The following PTPRT variants were observed in gnomAD, a reference collection of about 807,000 sequenced individuals.
PTPRT encodes the protein protein tyrosine phosphatase receptor type T, also known as receptor-type tyrosine-protein phosphatase T.
PTPRT carries 56 observed loss-of-function variants against 176.8 expected under a neutral mutation model. That is an observed-to-expected ratio of 0.32 (90% CI 0.26 to 0.40). The LOEUF (loss-of-function observed/expected upper bound fraction) is 0.40. PTPRT is among the 10% of genes least tolerant of loss of function. The pLI is 1.00. For synonymous variants in PTPRT, 783 were observed against 739.0 expected (o/e 1.06, Z -0.96); for missense variants, 1,540 against 1,908.2 (o/e 0.81, Z 3.60).
At chr20:42,917,767 A>T (rs1181500768) in intron 1 of PTPRT, among the ~76,000 whole-genome samples, 1 of 152,158 alleles carries the variant, frequency 6.6e-6, no homozygotes, top group Non-Finnish European at 1.5e-5. Context: ...GTGCCTCCAG[A>T]AGTCATAACT....
intron 7 of PTPRT, among the ~76,000 whole-genome samples, chr20:42,549,455 A>C (rs993054182): frequency 6.6e-6 from 1 of 152,114 alleles, no homozygotes; most frequent in Admixed American, 6.6e-5. Flanking sequence ...GGGACACGGG[A>C]GCAGAGAAGA....
chr20:42,465,233 T>C (rs1206477352), intron 8 of PTPRT, among the ~76,000 whole-genome samples: 1 of 152,196 alleles, frequency 6.6e-6, no homozygotes, highest in Non-Finnish European at 1.5e-5. Context: ...ACAACTTCTA[T>C]GGAAGAGTAC....
At chr20:43,140,768 T>C (rs891141011) in intron 1 of PTPRT, among the ~76,000 whole-genome samples, 2 of 152,202 alleles carry the variant, frequency 1.3e-5, no homozygotes, top group Non-Finnish European at 2.9e-5. Context: ...TTAATGCCCT[T>C]ACAGAGCCAC....
At chr20:42,032,835 C>T in the PTPRT span, among the ~76,000 whole-genome samples, 1 of 152,074 alleles carries the variant, frequency 6.6e-6, no homozygotes. Flanking sequence ...AATCCTACAC[C>T]CCCAGAGAAT....
chr20:42,166,511 C>A (rs1989830668), intron 16 of PTPRT, among the ~76,000 whole-genome samples: 1 of 152,150 alleles, frequency 6.6e-6, no homozygotes, highest in Admixed American at 6.5e-5. Context: ...CAGATAAACT[C>A]TCAACTATTT....
At chr20:42,350,362 G>A (rs898759582) in intron 11 of PTPRT, among the ~76,000 whole-genome samples, 11 of 151,574 alleles carry the variant, frequency 7.3e-5, no homozygotes, top group African/African-American at 1.7e-4. Flanking sequence ...TCGAGTAGCC[G>A]GTACTACAGG....
At chr20:42,493,465 G>A (rs371413192) in intron 7 of PTPRT, among the ~76,000 whole-genome samples, 3 of 151,998 alleles carry the variant, frequency 2.0e-5, no homozygotes, top group African/African-American at 7.2e-5. Context: ...AGCACAGTAC[G>A]TCAGTGATCT....
chr20:42,651,738 C>T (rs977595335), intron 7 of PTPRT, among the ~76,000 whole-genome samples: 2 of 152,144 alleles, frequency 1.3e-5, no homozygotes, highest in South Asian at 4.1e-4. Flanking sequence ...CCAAGCTTCA[C>T]CCTCATCCTT....
chr20:42,854,374 T>C (rs568280972), intron 2 of PTPRT, among the ~76,000 whole-genome samples: 1 of 152,200 alleles, frequency 6.6e-6, no homozygotes, highest in Non-Finnish European at 1.5e-5. Context: ...TTTGAACACC[T>C]TGACAAAGGA....
At chr20:42,441,609 T>A (rs925264610) in intron 9 of PTPRT, among the ~76,000 whole-genome samples, 3 of 151,864 alleles carry the variant, frequency 2.0e-5, no homozygotes, top group African/African-American at 7.3e-5. Context: ...TGGAAGGGGG[T>A]GGGCAGGGAG....
chr20:42,528,143 A>G (rs1318409345), intron 7 of PTPRT, among the ~76,000 whole-genome samples: 1 of 152,096 alleles, frequency 6.6e-6, no homozygotes. Context: ...TGCTTCTTCC[A>G]GCTCTCGGGT....
chr20:42,054,110 A>C, the PTPRT span, among the ~76,000 whole-genome samples: 1 of 152,198 alleles, frequency 6.6e-6, no homozygotes, highest in South Asian at 2.1e-4. Context: ...AGTATGGGAC[A>C]TCTTGGGTGA....
At chr20:42,170,368 T>C (rs1990024958) in intron 16 of PTPRT, among the ~76,000 whole-genome samples, 1 of 152,206 alleles carries the variant, frequency 6.6e-6, no homozygotes, top group Non-Finnish European at 1.5e-5. Flanking sequence ...TTAGGTTCCT[T>C]GAAGTTTATT....
intron 7 of PTPRT, among the ~76,000 whole-genome samples, chr20:42,673,369 A>T (rs931330241): frequency 1.3e-5 from 2 of 152,148 alleles, no homozygotes; most frequent in African/African-American, 4.8e-5. Flanking sequence ...CTTACAGCAA[A>T]TTTCTAGGCT....
chr20:42,863,236 G>A (rs1328760508), intron 2 of PTPRT, among the ~76,000 whole-genome samples: 1 of 152,154 alleles, frequency 6.6e-6, no homozygotes, highest in Admixed American at 6.5e-5. Context: ...GAAAAGAAGA[G>A]GACATGATCT....
rs1379394015 is a variant in PTPRT at position 42,104,618 on chromosome 20, C to T, written c.3491G>A (p.Ser1164Asn). 1.2e-6 allele frequency: 2 copies of T among 1,611,888 alleles called. No homozygotes were observed. Among genetic ancestry groups the T allele is most frequent in the South Asian group, 2.2e-5 (2 of 90,992 alleles). ...CEFRSLYYNI[S>N]RLDPQTNSSQ... ...GGAGTTTGTCTGGGGGTCCAGCCTGCTGATATTGTAGTAGAGAGAACGGAA... is the reference window on the plus strand; with the variant it reads ...GGAGTTTGTCTGGGGGTCCAGCCTGTTGATATTGTAGTAGAGAGAACGGAA... The change falls in exon 25 of 31, where the codon AGC becomes AAC. Residue 1164 changes from serine to asparagine, a missense_variant. Ser to Asn is a conservative substitution (Grantham distance 46, BLOSUM62 1). This residue lies in a region of PTPRT where 342 missense variants were observed against 394.0 expected (regional missense o/e 0.87). Transcript: ENST00000373187.
intron 3 of PTPRT, among the ~76,000 whole-genome samples, chr20:42,787,873 A>G (rs2077314612): frequency 6.6e-6 from 1 of 152,318 alleles, no homozygotes; most frequent in South Asian, 2.1e-4. Flanking sequence ...ACATTTGATT[A>G]CAGGGTACTG....
Position 42,291,501 on chromosome 20 carries a change from T to G in PTPRT, c.2140-8976A>C, listed in dbSNP as rs191648910. Among the ~76,000 whole-genome samples, 513 of 152,268 alleles carry G rather than the reference T, an allele frequency of 3.4e-3. 2 individuals are homozygous for G. Among genetic ancestry groups the G allele is most frequent in the Non-Finnish European group, 5.7e-3 (385 of 68,002 alleles). ...GTTTAGTACAGTAAACTAAATGAGG[T>G]TGTGTTTAAAAGTTTAGTACACTAA... is the stretch of plus-strand genomic sequence containing the variant. On this transcript the variant is annotated intron_variant, in intron 12 of 30. Coordinates refer to ENST00000373187, the MANE Select transcript of PTPRT (RefSeq NM_007050.6).
intron 6 of PTPRT, among the ~76,000 whole-genome samples, chr20:42,705,624 C>A (rs187896184): frequency 4.4e-4 from 67 of 152,234 alleles, no homozygotes; most frequent in African/African-American, 1.6e-3. Context: ...TGTGAAAGTG[C>A]AGCTTTGGTC....
Sources: allele counts gnomAD v4.1 joint callset (sites outside exome capture counted in the v4.1 genomes callset), GRCh38; gene constraint gnomAD v4.1.1; regional missense constraint gnomAD v4.1.1; transcripts MANE v1.5; gene names NCBI Gene and HGNC (gene_info 2026-07-23, HGNC 2026-07-21).